ARHGAP29: variants seen among roughly 807,000 people sequenced by gnomAD.
The protein encoded by ARHGAP29 is rho GTPase-activating protein 29.
A neutral mutation model predicts 122.6 loss-of-function variants in ARHGAP29; 43 were observed. That is an observed-to-expected ratio of 0.35 (90% CI 0.27 to 0.45). The LOEUF is 0.45. Ranked by LOEUF, ARHGAP29 falls within the 20% of genes least tolerant of loss-of-function variation. ARHGAP29 has a pLI of 1.00. For synonymous variants in ARHGAP29, 506 were observed against 497.1 expected, an observed-to-expected ratio of 1.02 and a Z score of -0.24; for missense variants, 1,303 against 1,477.2, an observed-to-expected ratio of 0.88 and a Z score of 1.93.
chr1:94,307,276 A>G, the ARHGAP29 span, among the ~76,000 whole-genome samples: 1 of 152,218 alleles, frequency 6.6e-6, no homozygotes, highest in Non-Finnish European at 1.5e-5. Context: ...CCCCATCTAC[A>G]GGACAATCTG....
At chr1:94,310,503 T>C in the ARHGAP29 span, among the ~76,000 whole-genome samples, 1 of 152,230 alleles carries the variant, frequency 6.6e-6, no homozygotes, top group East Asian at 1.9e-4. Context: ...AGGAACTGAG[T>C]ATGTTTAATC....
the ARHGAP29 span, among the ~76,000 whole-genome samples, chr1:94,296,286 G>C: frequency 6.6e-6 from 1 of 152,244 alleles, no homozygotes. Flanking sequence ...CTCTCAGTTA[G>C]CAGATCGACT....
intron 22 of ARHGAP29, 50 bp downstream of exon 22, chr1:94,177,562 G>T: frequency 1.4e-6 from 2 of 1,442,524 alleles, no homozygotes. Flanking sequence ...CGGTTCTACT[G>T]GTAAAATTTT....
the ARHGAP29 span, among the ~76,000 whole-genome samples, chr1:94,303,321 A>G: frequency 6.6e-6 from 1 of 152,232 alleles, no homozygotes; most frequent in Non-Finnish European, 1.5e-5. Context: ...CAAAAGGACA[A>G]ATACTGCATA....
At chr1:94,275,823 C>A (rs1415384752), upstream of ARHGAP29, among the ~76,000 whole-genome samples, 1 of 152,012 alleles carries the variant, frequency 6.6e-6, no homozygotes, top group East Asian at 1.9e-4. Flanking sequence ...CTTGATTATG[C>A]TTTAAAAATT....
intron 12 of ARHGAP29, chr1:94,195,522 T>C (rs892013683): frequency 4.6e-5 from 7 of 152,112 alleles, no homozygotes; most frequent in African/African-American, 1.4e-4. Flanking sequence ...AAAAACCCAG[T>C]AGACAAATTA....
chr1:94,254,144 G>T (rs978589770), intron 1 of ARHGAP29, among the ~76,000 whole-genome samples: 3 of 152,132 alleles, frequency 2.0e-5, no homozygotes, highest in Non-Finnish European at 2.9e-5. Context: ...TATAATATTG[G>T]TATCTAGAAA....
chr1:94,248,835 T>C (rs1460252591), intron 1 of ARHGAP29, among the ~76,000 whole-genome samples: 3 of 152,166 alleles, frequency 2.0e-5, no homozygotes, highest in Admixed American at 1.3e-4. Context: ...CCTGAGTAGC[T>C]GGGACTACAG....
intron 3 of ARHGAP29, among the ~76,000 whole-genome samples, chr1:94,211,518 T>C (rs1226274160): frequency 6.6e-6 from 1 of 152,068 alleles, no homozygotes; most frequent in African/African-American, 2.4e-5. Flanking sequence ...AAGACATTTA[T>C]ATGACACCCT....
chr1:94,243,826 A>G (rs1450555035), intron 1 of ARHGAP29, among the ~76,000 whole-genome samples: 1 of 152,060 alleles, frequency 6.6e-6, no homozygotes, highest in Non-Finnish European at 1.5e-5. Context: ...AATCACTAAT[A>G]TGAATGGAAG....
chr1:94,291,565 G>A, the ARHGAP29 span, among the ~76,000 whole-genome samples: 1 of 152,106 alleles, frequency 6.6e-6, no homozygotes, highest in Non-Finnish European at 1.5e-5. Context: ...TTTACAATTT[G>A]GCATGTTTTT....
chr1:94,249,277 A>G (rs1653983894), intron 1 of ARHGAP29: 1 of 152,256 alleles, frequency 6.6e-6, no homozygotes, highest in East Asian at 1.9e-4. Flanking sequence ...ACAAGAAATC[A>G]AAGGCATAAC....
chr1:94,253,345 T>C (rs969371950), intron 1 of ARHGAP29, among the ~76,000 whole-genome samples: 2 of 152,206 alleles, frequency 1.3e-5, no homozygotes, highest in African/African-American at 4.8e-5. Context: ...CTGACTAGAC[T>C]GGAACCAAGA....
chr1:94,250,188 G>A (rs1654027648), intron 1 of ARHGAP29, among the ~76,000 whole-genome samples: 1 of 152,110 alleles, frequency 6.6e-6, no homozygotes. Context: ...AGCCCCACAG[G>A]GGAGCAGAGT....
the ARHGAP29 span, among the ~76,000 whole-genome samples, chr1:94,305,177 C>T: frequency 6.6e-6 from 1 of 152,190 alleles, no homozygotes; most frequent in African/African-American, 2.4e-5. Flanking sequence ...ACCTCCAGCC[C>T]CTGCTCAAAG....
At chr1:94,296,531 A>G in the ARHGAP29 span, among the ~76,000 whole-genome samples, 7,724 of 152,274 alleles carry the variant, frequency 0.051, 680 homozygotes, top group African/African-American at 0.18. Flanking sequence ...TCAGGCATCC[A>G]CTAGGGGTCT....
intron 1 of ARHGAP29, among the ~76,000 whole-genome samples, chr1:94,261,827 G>T (rs1435560048): frequency 6.6e-6 from 1 of 152,110 alleles, no homozygotes; most frequent in Non-Finnish European, 1.5e-5. Context: ...AGGCCATATT[G>T]CCTAAAGTGA....
Position 94,267,060 on chromosome 1 carries a change from A to G in ARHGAP29, c.-33+7952T>C, listed in dbSNP as rs1158147231. Among the ~76,000 whole-genome samples, 5 of 152,302 alleles carry G rather than the reference A, an allele frequency of 3.3e-5. No individual in the cohort carries two copies. In the South Asian group the frequency reaches 1.0e-3, roughly 32 times the overall value. The stretch of plus-strand genomic sequence containing the variant: ...TCATGCCTTCCTCAGGATTTTGCTC[A>G]TCTTTGGCTTATGCAACACTATATC... On this transcript the variant is annotated intron_variant and NMD_transcript_variant, in intron 1 of 25. Coordinates refer to the ARHGAP29 transcript ENST00000552844.
chr1:94,215,104 G>GAAAAAAAAAAAAAAAAGAAAAAAA (rs199693229), intron 3 of ARHGAP29, among the ~76,000 whole-genome samples: 1 of 83,650 alleles, frequency 1.2e-5, no homozygotes, highest in African/African-American at 3.8e-5. Flanking sequence ...GCATGAAAAG[G>GAAAAAAAAAAAAAAAAGAAAAAAA]AAAAAAAAAA....
Sources: gnomAD v4.1 joint callset for allele counts (sites outside exome capture counted in the v4.1 genomes callset) on GRCh38, gnomAD v4.1.1 for gene constraint, MANE v1.5 for transcripts, NCBI Gene and HGNC (gene_info 2026-07-23, HGNC 2026-07-21) for gene names.